Variants in RFWD3 observed in about 807,000 individuals in gnomAD.
RFWD3 encodes the protein E3 ubiquitin-protein ligase RFWD3.
In RFWD3, 65 loss-of-function variants were observed where a neutral mutation model predicts 87.7. The ratio of observed to expected loss-of-function variants is 0.74; its 90% CI spans 0.61 to 0.91. The LOEUF (loss-of-function observed/expected upper bound fraction) is 0.91. Among genes scored for constraint, RFWD3 ranks in the 40% least tolerant of loss-of-function variants. The probability of loss-of-function intolerance (pLI) is 0.00; values close to 1 mark genes in which losing one functional copy is unlikely to be tolerated. For synonymous variants in RFWD3, 433 were observed against 352.8 expected (o/e 1.23, Z -2.55); for missense variants, 1,078 against 938.5 (o/e 1.15, Z -1.94).
intron 7 of RFWD3, among the ~76,000 whole-genome samples, chr16:74,637,264 T>C (rs976095749): frequency 4.6e-5 from 7 of 152,022 alleles, no homozygotes; most frequent in South Asian, 2.1e-4. Flanking sequence ...ATTTTACTAG[T>C]AGATTTAGGA....
chr16:74,642,925 A>G (rs1198897293), intron 6 of RFWD3, among the ~76,000 whole-genome samples: 2 of 152,204 alleles, frequency 1.3e-5, no homozygotes, highest in Non-Finnish European at 2.9e-5. Context: ...GAGGCTGGAG[A>G]GTATACTAAT....
intron 6 of RFWD3, among the ~76,000 whole-genome samples, chr16:74,638,863 G>C (rs1047676674): frequency 1.3e-5 from 2 of 152,132 alleles, no homozygotes; most frequent in African/African-American, 4.8e-5. Flanking sequence ...AAACATTACA[G>C]AATGTACTTA....
At chr16:74,643,575 A>C (rs180989334) in intron 6 of RFWD3, among the ~76,000 whole-genome samples, 2 of 152,110 alleles carry the variant, frequency 1.3e-5, no homozygotes, top group African/African-American at 4.8e-5. Flanking sequence ...CCAAACCAGT[A>C]AAGTGTGAAC....
intron 9 of RFWD3, 63 bp from the exon 10 acceptor site, chr16:74,631,020 A>G (rs2144064295): frequency 7.3e-7 from 1 of 1,377,532 alleles, no homozygotes; most frequent in East Asian, 2.4e-5. Context: ...ACAAAGATGT[A>G]AAGATTATCA....
chr16:74,638,343 A>G lies in RFWD3; in HGVS notation c.1080-373T>C, dbSNP rs9929568. On this transcript the variant is annotated intron_variant, in intron 6 of 12. Transcript: ENST00000361070. Reference sequence around the variant, plus strand: ...TGGTTGTTCATGAGATACTCAAATAATATAACCCAAAAAAGAATCTGAAGT... The same window carrying G: ...TGGTTGTTCATGAGATACTCAAATAGTATAACCCAAAAAAGAATCTGAAGT... Among the ~76,000 whole-genome samples the G allele has an allele frequency of 9.2e-3, 1,399 of 152,188 alleles. 19 individuals are homozygous for G. Among genetic ancestry groups the G allele is most frequent in the African/African-American group, 0.032 (1,317 of 41,448 alleles).
At chr16:74,628,860 C>G (rs893039438) in intron 10 of RFWD3, among the ~76,000 whole-genome samples, 194 bp from the exon 11 acceptor site, 14 of 152,028 alleles carry the variant, frequency 9.2e-5, no homozygotes, top group Non-Finnish European at 2.1e-4. Flanking sequence ...TATTCTGCAA[C>G]TAATTTCAGG....
chr16:74,641,928 CAAAAAAAAAAAAAAA>C (rs71158533), intron 6 of RFWD3, among the ~76,000 whole-genome samples: 2 of 52,474 alleles, frequency 3.8e-5, no homozygotes, highest in African/African-American at 8.1e-5. Context: ...ACTCCGTCTC[CAAAAAAAAAAAAAAA>C]AAAAAAAAAA....
At chr16:74,626,270 G>A in intron 12 of RFWD3, 73 bp downstream of exon 12, 1 of 1,379,116 alleles carries the variant, frequency 7.3e-7, no homozygotes, top group East Asian at 2.3e-5. Context: ...TGTAAAAAAA[G>A]TTCATGTTTT....
intron 11 of RFWD3, among the ~76,000 whole-genome samples, chr16:74,627,468 C>T (rs1024281705): frequency 1.4e-4 from 21 of 152,098 alleles, no homozygotes; most frequent in African/African-American, 5.1e-4. Context: ...TCCCATTGGC[C>T]CCTGAAGCAT....
chr16:74,657,288 G>A (rs1961061225), intron 2 of RFWD3, among the ~76,000 whole-genome samples: 1 of 152,148 alleles, frequency 6.6e-6, no homozygotes, highest in South Asian at 2.1e-4. Flanking sequence ...ATGCCATAGA[G>A]CTCAATGAGA....
In RFWD3 at chr16:74,661,397, T is replaced by C. The variant is rs182594292; in HGVS notation, c.53A>G (p.Glu18Gly). The change falls in exon 2 of 13, where the codon GAA (glutamate) becomes GGA (glycine). Residue 18 changes from glutamate to glycine, a missense_variant. Coordinates refer to ENST00000361070, the MANE Select transcript of RFWD3 (RefSeq NM_018124.4). ...YDVQVQLNHA[E>G]QQPAPAGMAS... is the part of the protein sequence containing the mutation. ...CATGCCAGCAGGAGCTGGCTGTTGT[T>C]CGGCATGATTTAACTGCACCTGAAC... is the stretch of plus-strand genomic sequence containing the variant. 3.8e-5 allele frequency: 62 copies of C among 1,614,020 alleles called. No homozygotes were observed. The East Asian group carries it at 1.3e-3, about 35-fold the overall frequency.
At chr16:74,652,676 A>T (rs1257881827) in intron 2 of RFWD3, among the ~76,000 whole-genome samples, 1 of 152,224 alleles carries the variant, frequency 6.6e-6, no homozygotes, top group Non-Finnish European at 1.5e-5. Context: ...CAAACAAAAT[A>T]ACTTAGAATG....
At chr16:74,643,430 C>T (rs973722451) in intron 6 of RFWD3, among the ~76,000 whole-genome samples, 3 of 152,160 alleles carry the variant, frequency 2.0e-5, no homozygotes, top group Non-Finnish European at 4.4e-5. Flanking sequence ...TTTAACAATG[C>T]TAAATGAAGT....
intron 2 of RFWD3, among the ~76,000 whole-genome samples, chr16:74,654,278 A>T (rs1171947784): frequency 2.0e-5 from 3 of 151,570 alleles, no homozygotes. Flanking sequence ...TGATTCGTTC[A>T]TTTTCTCTCA....
intron 3 of RFWD3, among the ~76,000 whole-genome samples, chr16:74,649,677 A>G (rs1960424369): frequency 6.6e-6 from 1 of 152,224 alleles, no homozygotes. Context: ...CCAGGCATCC[A>G]GTTCATATTC....
chr16:74,660,736 A>G, intron 2 of RFWD3, 196 bp downstream of exon 2: 1 of 590,964 alleles, frequency 1.7e-6, no homozygotes. Context: ...CTAGTTTTCA[A>G]GGCACAACAG....
chr16:74,641,212 G>C (rs146554355), intron 6 of RFWD3, among the ~76,000 whole-genome samples: 1,567 of 151,970 alleles, frequency 0.01, 9 homozygotes, highest in Middle Eastern at 0.017. Flanking sequence ...GCCCAAGCAG[G>C]AGTGCAATGG....
In RFWD3 at chr16:74,630,362, T is replaced by G. The variant is rs76719803; in HGVS notation, c.1754+419A>C. On this transcript the variant is annotated intron_variant, in intron 10 of 12. Transcript: ENST00000361070. Reference sequence around the variant, plus strand: ...ATCTGTCCGCCTCGTCTTCCCAAAGTGCTGGGATTACAGGCGTAAGCCACC... The same window carrying G: ...ATCTGTCCGCCTCGTCTTCCCAAAGGGCTGGGATTACAGGCGTAAGCCACC... Among the ~76,000 whole-genome samples the G allele has an allele frequency of 6.7e-3, 1,028 of 152,344 alleles. 7 individuals carry two copies. The highest frequency in any genetic ancestry group is 0.025 in the Admixed American group (375 of 15,300).
chr16:74,661,724 T>C (rs1481128006), intron 1 of RFWD3, among the ~76,000 whole-genome samples: 1 of 152,176 alleles, frequency 6.6e-6, no homozygotes, highest in Non-Finnish European at 1.5e-5. Context: ...TAGAAAGATC[T>C]ATAAACCAAG....
Sources: allele counts gnomAD v4.1 joint callset (sites outside exome capture counted in the v4.1 genomes callset), GRCh38; gene constraint gnomAD v4.1.1; transcripts MANE v1.5; gene names NCBI Gene and HGNC (gene_info 2026-07-23, HGNC 2026-07-21).